Variants in VIPR1 observed in about 807,000 individuals in gnomAD.
The protein encoded by VIPR1 is vasoactive intestinal polypeptide receptor 1.
VIPR1 carries 59 observed loss-of-function variants against 58.8 expected under a neutral mutation model. The observed-to-expected ratio is 1.00, with a 90% confidence interval of 0.81 to 1.25. The LOEUF (loss-of-function observed/expected upper bound fraction) is 1.25, where lower values mean the gene tolerates loss of function less well. Ranked by LOEUF, VIPR1 falls within the 50% of genes most tolerant of loss-of-function variation. The pLI, the probability that VIPR1 is intolerant of heterozygous loss-of-function variation, is 0.00. For synonymous variants in VIPR1, 251 were observed against 242.1 expected (o/e 1.04, Z -0.34); for missense variants, 626 against 602.7 (o/e 1.04, Z -0.40).
intron 3 of VIPR1, among the ~76,000 whole-genome samples, chr3:42,520,757 C>T (rs1033671678): frequency 6.6e-6 from 1 of 152,112 alleles, no homozygotes; most frequent in Non-Finnish European, 1.5e-5. Flanking sequence ...CCAGTTTCCC[C>T]GTTTGTAAAG....
At chr3:42,513,615 C>T in intron 1 of VIPR1, 134 bp from the exon 2 acceptor site, 1 of 931,248 alleles carries the variant, frequency 1.1e-6, no homozygotes, top group South Asian at 1.8e-5. Flanking sequence ...AGGTTTCAGT[C>T]TTGGGTTGGT....
intron 1 of VIPR1, among the ~76,000 whole-genome samples, chr3:42,509,929 T>C (rs1700285281): frequency 6.6e-6 from 1 of 152,208 alleles, no homozygotes; most frequent in South Asian, 2.1e-4. Context: ...ACTGGTGCAG[T>C]AGCTTTCAGC....
At chr3:42,517,967 C>CT (rs754690113) in intron 2 of VIPR1, among the ~76,000 whole-genome samples, 4 of 151,940 alleles carry the variant, frequency 2.6e-5, no homozygotes, top group Non-Finnish European at 5.9e-5. Context: ...CAGAGCAAGA[C>CT]TATGATGGGG....
intron 10 of VIPR1, chr3:42,534,767 G>C: frequency 1.8e-6 from 1 of 560,826 alleles, no homozygotes. Flanking sequence ...CTCCAGGCCA[G>C]GAGGGCTGGG....
chr3:42,490,438 TAAA>T (rs1222916714), intron 1 of VIPR1, among the ~76,000 whole-genome samples: 6 of 152,150 alleles, frequency 3.9e-5, no homozygotes, highest in African/African-American at 1.4e-4. Flanking sequence ...GGATCTAGAA[TAAA>T]GAGGAGGCGA....
Position 42,535,085 on chromosome 3 carries a change from T to G in VIPR1, c.1121T>G (p.Leu374Arg). Residue 374 changes from leucine (L) to arginine (R), a missense_variant, in exon 11 of 13, where the codon CTC (leucine) becomes CGC (arginine). Physicochemically the swap from Leu to Arg is moderately radical, Grantham distance 102 (BLOSUM62 -2). Transcript: ENST00000325123. ...FKPEVKMVFE[L>R]VVGSFQGFVV... is the part of the protein sequence containing the mutation. Reference sequence around the variant, plus strand: ...CCTGAAGTGAAGATGGTCTTTGAGCTCGTCGTGGGGTCTTTCCAGGTATGG... The same window carrying G: ...CCTGAAGTGAAGATGGTCTTTGAGCGCGTCGTGGGGTCTTTCCAGGTATGG... 1.2e-6 allele frequency: 2 copies of G among 1,614,254 alleles called. No individual in the cohort carries two copies. The highest frequency in any genetic ancestry group is 1.7e-6 in the Non-Finnish European group (2 of 1,180,042).
chr3:42,532,042 C>T lies in VIPR1; in HGVS notation c.918+173C>T, dbSNP rs370364418. 1.1e-4 allele frequency: 102 copies of T among 915,832 alleles called. 1 individual carries two copies. The East Asian group carries it at 1.9e-3, about 17-fold the overall frequency. 56.7% of individuals were successfully genotyped at this position (915,832 alleles called of 1,614,324 possible). ...CTACCAGTTCTTCCTTGAGCGTAAG[C>T]GGATTGGGAGCACAGTCCTTAGGGA... On this transcript the variant is annotated intron_variant, in intron 9 of 12. Transcript: ENST00000325123.
At chr3:42,529,464 C>CCA in intron 6 of VIPR1, 1 of 75,462 alleles carries the variant, frequency 1.3e-5, no homozygotes, top group East Asian at 3.6e-4. Context: ...GACTCCATCT[C>CCA]AAAAAAAAAA....
chr3:42,531,261 T>C (rs1701529922), intron 7 of VIPR1: 1 of 625,322 alleles, frequency 1.6e-6, no homozygotes, highest in South Asian at 1.9e-5. Context: ...TCCGTCTAGG[T>C]AGACACAGCC....
At position 42,527,554 on chromosome 3, in the gene VIPR1, A is replaced by G; in HGVS notation, c.503+58A>G. 3.9e-6 allele frequency: 6 copies of G among 1,555,366 alleles called. No homozygotes were observed. The South Asian group carries it at 6.7e-5, about 17-fold the overall frequency. On this transcript the variant is annotated intron_variant, in intron 5 of 12. Coordinates refer to ENST00000325123, the MANE Select transcript of VIPR1 (RefSeq NM_004624.4). ...CAAACCTGGCAAGTGTCCCTCCCAC[A>G]GTGGAGCCCAGCGTGGCCCAGGCGT... is the stretch of plus-strand genomic sequence containing the variant.
upstream of VIPR1, chr3:42,502,622 T>TG (rs1353804009): frequency 1.2e-6 from 1 of 814,806 alleles, no homozygotes; most frequent in African/African-American, 1.8e-5. Flanking sequence ...CTCTTAGCTC[T>TG]GGGGCCACAG....
At chr3:42,502,208 A>T (rs1353247076), upstream of VIPR1, 1 of 152,424 alleles carries the variant, frequency 6.6e-6, no homozygotes, top group Non-Finnish European at 1.5e-5. Context: ...ATTTGCGCGC[A>T]CGAACCCTCG....
chr3:42,502,807 G>A lies in VIPR1; in HGVS notation c.72G>A (p.Gly24=). 1 of 1,267,556 alleles carries A rather than the reference G, an allele frequency of 7.9e-7. No homozygotes were observed. 78.5% of individuals were successfully genotyped at this position (1,267,556 alleles called of 1,614,324 possible). ...VLAGALAWAL[G]PAGGQAARLQ... ...CAGGCGCCCTCGCCTGGGCCCTTGG[G>A]CCGGCGGTGAGTGTTCGCCCGGCCG... is the stretch of plus-strand genomic sequence containing the variant. The change falls in exon 1 of 13, where the codon GGG becomes GGA. Residue 24 remains glycine, a synonymous_variant. Coordinates refer to ENST00000325123, the MANE Select transcript of VIPR1 (RefSeq NM_004624.4).
chr3:42,507,566 C>T (rs1002143172), intron 1 of VIPR1, among the ~76,000 whole-genome samples: 1 of 152,232 alleles, frequency 6.6e-6, no homozygotes, highest in Non-Finnish European at 1.5e-5. Flanking sequence ...CCAACACCAA[C>T]GTCACCCACA....
rs567902184 is a variant in VIPR1 at position 42,535,981 on chromosome 3, T to C, written c.1183-109T>C. 3 of 1,330,590 alleles carry C rather than the reference T, an allele frequency of 2.3e-6. No homozygotes were observed. In the African/African-American group the frequency reaches 4.5e-5, roughly 20 times the overall value. 82.4% of individuals were successfully genotyped at this position (1,330,590 alleles called of 1,614,324 possible). On this transcript the variant is annotated intron_variant, in intron 12 of 12. Transcript: ENST00000325123. ...GCATAGGGGTCCCTCCATTTTGATT[T>C]CCTAAAGAGAATAAGACTGGCTAGT...
At chr3:42,506,270 G>A (rs1260746557) in intron 1 of VIPR1, among the ~76,000 whole-genome samples, 2 of 152,204 alleles carry the variant, frequency 1.3e-5, no homozygotes, top group African/African-American at 2.4e-5. Context: ...CATGGGCCAT[G>A]AGACCAGGGT....
chr3:42,532,529 TCA>T lies in VIPR1; in HGVS notation c.1010+197_1010+198del, dbSNP rs1033935074. On this transcript the variant is annotated intron_variant, in intron 10 of 12. Transcript: ENST00000325123. ...CAGCCCCACCCTCACCAGGCTGCAC[TCA>T]GAGCCCTGCATGCTTCTCCTGCCCA... 7.1e-5 allele frequency: 45 copies of T among 637,082 alleles called. No homozygotes were observed. In the African/African-American group the frequency reaches 7.2e-4, roughly 10 times the overall value. 39.5% of individuals were successfully genotyped at this position (637,082 alleles called of 1,614,324 possible). A position where few individuals can be genotyped will look rare whatever the true frequency, so the allele number is the denominator to read the frequency against.
At chr3:42,498,557 C>G (rs1244778901), upstream of VIPR1, among the ~76,000 whole-genome samples, 1 of 152,206 alleles carries the variant, frequency 6.6e-6, no homozygotes, top group Non-Finnish European at 1.5e-5. Context: ...CGCAACAGAG[C>G]TCTAAGCCCC....
At position 42,525,902 on chromosome 3, in the gene VIPR1, G is replaced by A. The variant is rs772362568; in HGVS notation, c.308G>A (p.Arg103His). 5.6e-6 allele frequency: 9 copies of A among 1,611,748 alleles called. No homozygotes were observed. The Admixed American group carries it at 8.4e-5, about 15-fold the overall frequency. Reference sequence around the variant, plus strand: ...CTCCACCCAGGCCGCAATGTAAGCCGCAGCTGCACCGACGAAGGCTGGACG... The same window carrying A: ...CTCCACCCAGGCCGCAATGTAAGCCACAGCTGCACCGACGAAGGCTGGACG... ...FSSIQGRNVS[R>H]SCTDEGWTHL... The change falls in exon 4 of 13, where the codon CGC becomes CAC. Residue 103 changes from arginine (R) to histidine (H), a missense_variant. By Grantham distance (29) the Arg-to-His change is conservative. Transcript: ENST00000325123.
Sources: allele counts gnomAD v4.1 joint callset (sites outside exome capture counted in the v4.1 genomes callset), GRCh38; gene constraint gnomAD v4.1.1; transcripts MANE v1.5; gene names NCBI Gene and HGNC (gene_info 2026-07-23, HGNC 2026-07-21).